CSGALNACT1: variants seen among roughly 807,000 people sequenced by gnomAD.
The protein encoded by CSGALNACT1 is chondroitin sulfate N-acetylgalactosaminyltransferase 1, also known as beta4GalNAcT-1.
CSGALNACT1 carries 52 observed loss-of-function variants against 51.0 expected under a neutral mutation model. That is an observed-to-expected ratio of 1.02 (90% CI 0.82 to 1.29). The LOEUF is 1.29. CSGALNACT1 is among the 50% of genes most tolerant of loss of function. CSGALNACT1 has a pLI of 0.00. For synonymous variants in CSGALNACT1, 341 were observed against 254.4 expected (o/e 1.34, Z -3.24); for missense variants, 935 against 679.2 (o/e 1.38, Z -4.19).
chr8:19,628,665 G>GT (rs979965686), intron 1 of CSGALNACT1, among the ~76,000 whole-genome samples: 122 of 146,938 alleles, frequency 8.3e-4, no homozygotes, highest in African/African-American at 2.5e-3. Context: ...TTTTTTTTTT[G>GT]TTTTTTGGGT....
intron 1 of CSGALNACT1, among the ~76,000 whole-genome samples, chr8:19,705,451 G>A (rs2062103527): frequency 6.6e-6 from 1 of 152,180 alleles, no homozygotes; most frequent in African/African-American, 2.4e-5. Context: ...ATCCAGGGAA[G>A]GCTGGGCACA....
At chr8:19,599,182 T>A (rs972538062) in intron 2 of CSGALNACT1, among the ~76,000 whole-genome samples, 1 of 151,608 alleles carries the variant, frequency 6.6e-6, no homozygotes, top group Non-Finnish European at 1.5e-5. Context: ...CACAGAGAGC[T>A]AGCATCAGGG....
chr8:19,532,840 A>G (rs954859308), intron 3 of CSGALNACT1, among the ~76,000 whole-genome samples: 5 of 152,180 alleles, frequency 3.3e-5, no homozygotes, highest in Non-Finnish European at 7.4e-5. Flanking sequence ...GGAAATGTTT[A>G]CACATACCCC....
At chr8:19,517,819 T>C (rs2079860589) in intron 3 of CSGALNACT1, among the ~76,000 whole-genome samples, 2 of 152,252 alleles carry the variant, frequency 1.3e-5, no homozygotes, top group Middle Eastern at 3.4e-3. Flanking sequence ...TCCCACAACA[T>C]GTGGGAATTA....
chr8:19,749,633 C>T (rs899557336), intron 1 of CSGALNACT1, among the ~76,000 whole-genome samples: 1 of 152,172 alleles, frequency 6.6e-6, no homozygotes, highest in African/African-American at 2.4e-5. Flanking sequence ...GATCTAACAA[C>T]ACAGGCTAGT....
At chr8:19,540,376 T>C (rs1215193139) in intron 3 of CSGALNACT1, among the ~76,000 whole-genome samples, 2 of 152,192 alleles carry the variant, frequency 1.3e-5, no homozygotes, top group Non-Finnish European at 2.9e-5. Flanking sequence ...GTAGGTCTTC[T>C]ACACCCCTCC....
intron 1 of CSGALNACT1, among the ~76,000 whole-genome samples, chr8:19,702,379 G>C (rs1376367740): frequency 6.6e-6 from 1 of 151,948 alleles, no homozygotes; most frequent in Non-Finnish European, 1.5e-5. Context: ...TATTAGTTGA[G>C]GATACACCTG....
At chr8:19,466,714 G>A (rs182180279) in intron 4 of CSGALNACT1, among the ~76,000 whole-genome samples, 5 of 152,054 alleles carry the variant, frequency 3.3e-5, no homozygotes, top group South Asian at 2.1e-4. Flanking sequence ...ATGCTCAGAC[G>A]CTAGAAGGCA....
At chr8:19,419,803 G>A (rs533076214) in intron 7 of CSGALNACT1, among the ~76,000 whole-genome samples, 1 of 152,298 alleles carries the variant, frequency 6.6e-6, no homozygotes, top group East Asian at 1.9e-4. Context: ...GGCCCATGAT[G>A]TGGCCTCAAA....
chr8:19,710,508 A>G (rs968675620), intron 1 of CSGALNACT1, among the ~76,000 whole-genome samples: 5 of 152,246 alleles, frequency 3.3e-5, no homozygotes, highest in Admixed American at 3.3e-4. Context: ...CAAAGAGTAC[A>G]TTGGTCAGAA....
At position 19,506,002 on chromosome 8, in the gene CSGALNACT1, A is replaced by G. The variant is rs564295276; in HGVS notation, c.-168T>C. On this transcript the variant is annotated 5_prime_UTR_variant, in exon 4 of 10. Coordinates refer to ENST00000454498, the Ensembl canonical transcript of CSGALNACT1. ...TCTGCCTCTTGGAGTTAACCACCAC[A>G]CAGAGCAGCTTCTCTACTTTTAAAG... is the stretch of plus-strand genomic sequence containing the variant. 5.2e-5 allele frequency: 39 copies of G among 745,202 alleles called. No individual in the cohort carries two copies. The Middle Eastern group carries it at 1.0e-3, about 20-fold the overall frequency. 46.2% of individuals were successfully genotyped at this position (745,202 alleles called of 1,614,324 possible). A position where few individuals can be genotyped will look rare whatever the true frequency, so the allele number is the denominator to read the frequency against.
intron 1 of CSGALNACT1, among the ~76,000 whole-genome samples, chr8:19,714,742 G>A (rs916027633): frequency 7.0e-6 from 1 of 143,092 alleles, no homozygotes; most frequent in African/African-American, 2.5e-5. Flanking sequence ...TGACTGCTTT[G>A]TCTCCTGGGA....
At chr8:19,632,542 T>G (rs191620306) in intron 1 of CSGALNACT1, among the ~76,000 whole-genome samples, 5 of 152,342 alleles carry the variant, frequency 3.3e-5, no homozygotes, top group Admixed American at 3.3e-4. Context: ...AATTGCTGCA[T>G]TTTGGACGGT....
chr8:19,533,708 T>A (rs1563934926), intron 3 of CSGALNACT1, among the ~76,000 whole-genome samples: 1 of 152,170 alleles, frequency 6.6e-6, no homozygotes, highest in Non-Finnish European at 1.5e-5. Context: ...GCATCGACAA[T>A]GCAGAATAAC....
exon 7 of CSGALNACT1, chr8:19,420,370 G>A (rs1199480183): frequency 3.7e-6 from 6 of 1,614,074 alleles, no homozygotes; most frequent in South Asian, 1.1e-5. Context: ...CACGTATTGA[G>A]GAATTCAGAT....
At chr8:19,756,538 G>T (rs553889995) in intron 1 of CSGALNACT1, among the ~76,000 whole-genome samples, 8 of 152,224 alleles carry the variant, frequency 5.3e-5, no homozygotes, top group East Asian at 1.9e-4. Context: ...CTTTGCCTCC[G>T]CTTCCTACAG....
In CSGALNACT1 at chr8:19,505,447, T is replaced by C. The variant is rs762878018; in HGVS notation, c.388A>G (p.Lys130Glu). 7.4e-6 allele frequency: 12 copies of C among 1,614,212 alleles called. No individual in the cohort carries two copies. In the South Asian group the frequency reaches 1.2e-4, roughly 16 times the overall value. ...TTGACGCCAGCATTCACCTCTGCCTTGTCCACCTGCGAGTGCAGGAAGGCC... is the reference window on the plus strand; with the variant it reads ...TTGACGCCAGCATTCACCTCTGCCTCGTCCACCTGCGAGTGCAGGAAGGCC... Residue 130 changes from lysine to glutamate, a missense_variant, in exon 4 of 10, where the codon AAG (lysine) becomes GAG (glutamate). Physicochemically the swap from Lys to Glu is moderately conservative, Grantham distance 56. Transcript: ENST00000454498.
intron 6 of CSGALNACT1, among the ~76,000 whole-genome samples, chr8:19,432,136 C>CGT (rs2059740707): frequency 1.3e-5 from 2 of 152,182 alleles, no homozygotes; most frequent in Admixed American, 6.5e-5. Context: ...CTTAGTATTT[C>CGT]ATACAGGGCA....
At chr8:19,588,104 T>C (rs759158057) in intron 3 of CSGALNACT1, 2 of 152,090 alleles carry the variant, frequency 1.3e-5, no homozygotes, top group African/African-American at 2.4e-5. Context: ...GGCAGGACAA[T>C]TGCTTCAGTA....
Sources: allele counts gnomAD v4.1 joint callset (sites outside exome capture counted in the v4.1 genomes callset), GRCh38; gene constraint gnomAD v4.1.1; transcripts MANE v1.5; gene names NCBI Gene and HGNC (gene_info 2026-07-23, HGNC 2026-07-21).